Variants in NSMCE2 observed in about 807,000 individuals in gnomAD.
NSMCE2 encodes E3 SUMO-protein ligase NSE2.
NSMCE2 carries 24 observed loss-of-function variants against 23.8 expected under a neutral mutation model. The ratio of observed to expected loss-of-function variants is 1.01; its 90% confidence interval spans 0.73 to 1.42. The LOEUF is 1.42. NSMCE2 is among the 40% of genes most tolerant of loss of function. The pLI is 0.00. For synonymous variants in NSMCE2, 92 were observed against 94.1 expected (o/e 0.98, Z 0.13); for missense variants, 284 against 296.5 (o/e 0.96, Z 0.31).
At chr8:125,216,175 A>G (rs1263641823) in intron 5 of NSMCE2, among the ~76,000 whole-genome samples, 1 of 152,172 alleles carries the variant, frequency 6.6e-6, no homozygotes, top group Non-Finnish European at 1.5e-5. Context: ...TTAAGGCTGA[A>G]TATTCCATTG....
chr8:125,222,853 C>T (rs111286245), intron 5 of NSMCE2, among the ~76,000 whole-genome samples: 2,716 of 151,890 alleles, frequency 0.018, 77 homozygotes, highest in African/African-American at 0.062. Flanking sequence ...GCTTGAGCTC[C>T]GGAGTTCAAG....
At chr8:125,140,689 G>T (rs1232887376) in intron 3 of NSMCE2, among the ~76,000 whole-genome samples, 1 of 151,810 alleles carries the variant, frequency 6.6e-6, no homozygotes, top group Non-Finnish European at 1.5e-5. Context: ...ACTTTCTTTT[G>T]TCTTGGCTGC....
chr8:125,248,672 C>T (rs932311376), intron 5 of NSMCE2, among the ~76,000 whole-genome samples: 1 of 151,966 alleles, frequency 6.6e-6, no homozygotes, highest in African/African-American at 2.4e-5. Context: ...AAGTCAACAT[C>T]ATTCCTTGAT....
intron 5 of NSMCE2, chr8:125,270,886 A>G (rs1266350255): frequency 2.6e-5 from 4 of 152,278 alleles, no homozygotes; most frequent in Non-Finnish European, 5.9e-5. Context: ...AGGGCAACAT[A>G]GTGAGACACC....
chr8:125,346,593 G>GA (rs1287164468), intron 5 of NSMCE2, among the ~76,000 whole-genome samples: 8 of 152,166 alleles, frequency 5.3e-5, no homozygotes, highest in Non-Finnish European at 1.2e-4. Flanking sequence ...CCAGATAAAA[G>GA]AAATAGAATG....
At chr8:125,225,787 C>T (rs1473618498) in intron 5 of NSMCE2, among the ~76,000 whole-genome samples, 1 of 152,204 alleles carries the variant, frequency 6.6e-6, no homozygotes, top group Non-Finnish European at 1.5e-5. Context: ...GTTTTCACTT[C>T]AAGCATCATT....
intron 5 of NSMCE2, among the ~76,000 whole-genome samples, chr8:125,350,494 C>T (rs1812987624): frequency 6.6e-6 from 1 of 152,116 alleles, no homozygotes; most frequent in African/African-American, 2.4e-5. Flanking sequence ...CGTATTAATC[C>T]ATTTTCATGC....
At position 125,173,006 on chromosome 8, in the gene NSMCE2, C is replaced by T. The variant is rs187456777; in HGVS notation, c.265-9097C>T. On this transcript the variant is annotated intron_variant, in intron 4 of 7. Transcript: ENST00000287437. ...ATTTCTATCTTCCATTATCTTTCAC[C>T]GCTAGATGTGGTCAAACCAACAGGT... 6.6e-5 allele frequency among the ~76,000 whole-genome samples: 10 copies of T among 152,194 alleles called. No individual in the cohort carries two copies. In the South Asian group the frequency reaches 1.0e-3, roughly 16 times the overall value.
chr8:125,243,505 A>G (rs903829253), intron 5 of NSMCE2, among the ~76,000 whole-genome samples: 2 of 152,182 alleles, frequency 1.3e-5, no homozygotes, highest in African/African-American at 2.4e-5. Context: ...ATTTTTTAAA[A>G]AAAAAAACCT....
At chr8:125,359,965 GC>G (rs955060883) in intron 7 of NSMCE2, among the ~76,000 whole-genome samples, 3 of 152,178 alleles carry the variant, frequency 2.0e-5, no homozygotes, top group African/African-American at 7.2e-5. Context: ...CAGTTAGGAT[GC>G]TTTTACAGTG....
At chr8:125,152,340 G>C (rs1202977846) in intron 4 of NSMCE2, among the ~76,000 whole-genome samples, 20 of 152,132 alleles carry the variant, frequency 1.3e-4, no homozygotes, top group Admixed American at 1.3e-3. Context: ...TTAGACTAGA[G>C]GCTTTCAATT....
intron 4 of NSMCE2, among the ~76,000 whole-genome samples, chr8:125,168,225 GTTCT>G (rs1219875782): frequency 3.3e-5 from 5 of 152,184 alleles, no homozygotes; most frequent in African/African-American, 4.8e-5. Context: ...GCGAAACACT[GTTCT>G]TTGTATAAAT....
chr8:125,298,895 G>A (rs774118989), intron 5 of NSMCE2, among the ~76,000 whole-genome samples: 6 of 151,956 alleles, frequency 3.9e-5, no homozygotes, highest in Non-Finnish European at 7.4e-5. Flanking sequence ...GATTAAGTTT[G>A]GGGTGATATT....
At position 125,122,482 on chromosome 8, in the gene NSMCE2, A is replaced by G. The variant is rs551536887; in HGVS notation, c.157+19995A>G. 8.5e-5 allele frequency among the ~76,000 whole-genome samples: 13 copies of G among 152,320 alleles called. No individual in the cohort carries two copies. The South Asian group carries it at 2.3e-3, about 27-fold the overall frequency. On this transcript the variant is annotated intron_variant, in intron 3 of 7. Coordinates refer to ENST00000287437, the MANE Select transcript of NSMCE2 (RefSeq NM_173685.4). ...CCCTTATACTCTATATACTCCAGTC[A>G]TGGAGCCTGGTTTAAGTGCCATCAA...
rs559723785 is a variant in NSMCE2, at chr8:125,295,849, T to C, written c.419-61370T>C. Among the ~76,000 whole-genome samples the C allele has an allele frequency of 1.2e-4, 19 of 152,332 alleles. No individual in the cohort carries two copies. The South Asian group carries it at 3.9e-3, about 32-fold the overall frequency. The stretch of plus-strand genomic sequence containing the variant: ...ATGAATTCTGTTTTGAGCATTCTAT[T>C]GACTAAAATATTATTTTGGATGAAA... On this transcript the variant is annotated intron_variant, in intron 5 of 7. Coordinates refer to ENST00000287437, the MANE Select transcript of NSMCE2 (RefSeq NM_173685.4).
At chr8:125,209,071 T>G (rs547404417) in intron 5 of NSMCE2, among the ~76,000 whole-genome samples, 1 of 152,328 alleles carries the variant, frequency 6.6e-6, no homozygotes, top group South Asian at 2.1e-4. Flanking sequence ...CTCAGTCTCC[T>G]GAGTGGCTGG....
At chr8:125,133,058 C>A (rs1819855171) in intron 3 of NSMCE2, among the ~76,000 whole-genome samples, 1 of 152,082 alleles carries the variant, frequency 6.6e-6, no homozygotes, top group South Asian at 2.1e-4. Flanking sequence ...ATATAATTTC[C>A]ACTTTCATTC....
chr8:125,166,003 T>G (rs1219426463), intron 4 of NSMCE2, among the ~76,000 whole-genome samples: 1 of 152,156 alleles, frequency 6.6e-6, no homozygotes, highest in East Asian at 1.9e-4. Context: ...GTATTAATAA[T>G]TTCATAATCT....
At chr8:125,230,014 G>A (rs896627003) in intron 5 of NSMCE2, among the ~76,000 whole-genome samples, 1 of 152,046 alleles carries the variant, frequency 6.6e-6, no homozygotes, top group Non-Finnish European at 1.5e-5. Flanking sequence ...ACACTAAAAC[G>A]ATTTTAGTTT....
Sources: gnomAD v4.1 joint callset for allele counts (sites outside exome capture counted in the v4.1 genomes callset) on GRCh38, gnomAD v4.1.1 for gene constraint, MANE v1.5 for transcripts, NCBI Gene and HGNC (gene_info 2026-07-23, HGNC 2026-07-21) for gene names.